FBXL7: variants seen among roughly 807,000 people sequenced by gnomAD.
FBXL7 encodes F-box/LRR-repeat protein 7.
FBXL7 carries 12 observed loss-of-function variants against 38.3 expected under a neutral mutation model. The observed-to-expected ratio is 0.31, with a 90% CI of 0.20 to 0.51. The LOEUF is 0.51. Ranked by LOEUF, FBXL7 falls within the 20% of genes least tolerant of loss-of-function variation. The pLI, the probability that FBXL7 is intolerant of heterozygous loss-of-function variation, is 0.98. For missense variants in FBXL7, 567 were observed against 676.4 expected (o/e 0.84, Z 1.79); for synonymous variants, 297 against 300.9 (o/e 0.99, Z 0.13).
chr5:15,786,372 G>C (rs1346366235), intron 2 of FBXL7, among the ~76,000 whole-genome samples: 1 of 152,098 alleles, frequency 6.6e-6, no homozygotes, highest in Non-Finnish European at 1.5e-5. Context: ...TTCAACCTAG[G>C]TCTACCACTG....
intron 2 of FBXL7, among the ~76,000 whole-genome samples, chr5:15,713,087 T>C (rs1743927577): frequency 6.6e-6 from 1 of 152,170 alleles, no homozygotes; most frequent in African/African-American, 2.4e-5. Context: ...ATGCTGCTTA[T>C]AAAGACACAC....
chr5:15,732,435 A>T (rs1283262072), intron 2 of FBXL7, among the ~76,000 whole-genome samples: 2 of 152,202 alleles, frequency 1.3e-5, no homozygotes, highest in Non-Finnish European at 2.9e-5. Flanking sequence ...TAATTAAAAG[A>T]TGGCTTTCAG....
chr5:15,821,892 A>G (rs144872131), intron 2 of FBXL7, among the ~76,000 whole-genome samples: 1 of 152,060 alleles, frequency 6.6e-6, no homozygotes, highest in African/African-American at 2.4e-5. Flanking sequence ...GCTAATCTCT[A>G]ATTTCTCAGT....
chr5:15,911,455 T>C (rs1481404103), intron 2 of FBXL7, among the ~76,000 whole-genome samples: 11 of 140,474 alleles, frequency 7.8e-5, no homozygotes, highest in Non-Finnish European at 1.6e-4. Context: ...TTCAACTTCT[T>C]TGCCTTTGGT....
intron 2 of FBXL7, among the ~76,000 whole-genome samples, chr5:15,642,494 T>G (rs918975194): frequency 6.6e-6 from 1 of 152,154 alleles, no homozygotes; most frequent in South Asian, 2.1e-4. Context: ...GACCAAGAAT[T>G]TGTCGATATT....
chr5:15,634,326 T>C (rs1741104849), intron 2 of FBXL7, among the ~76,000 whole-genome samples: 1 of 147,386 alleles, frequency 6.8e-6, no homozygotes, highest in Non-Finnish European at 1.5e-5. Context: ...TTTTTTTTTT[T>C]TTTTTTTTTT....
At chr5:15,736,055 T>C (rs1735740204) in intron 2 of FBXL7, among the ~76,000 whole-genome samples, 1 of 152,212 alleles carries the variant, frequency 6.6e-6, no homozygotes, top group Non-Finnish European at 1.5e-5. Flanking sequence ...CACTAGTTGC[T>C]TCAGATGTAA....
chr5:15,605,876 G>C (rs542301382), intron 1 of FBXL7, among the ~76,000 whole-genome samples: 5 of 152,094 alleles, frequency 3.3e-5, no homozygotes, highest in Non-Finnish European at 7.4e-5. Flanking sequence ...TCTTAGACTG[G>C]ACATAAACCC....
intron 2 of FBXL7, among the ~76,000 whole-genome samples, chr5:15,863,606 C>T (rs1739575884): frequency 6.6e-6 from 1 of 152,156 alleles, no homozygotes; most frequent in Non-Finnish European, 1.5e-5. Flanking sequence ...TCATTTGTCA[C>T]CACCAAATCT....
chr5:15,918,283 A>G (rs1741652596), intron 2 of FBXL7, among the ~76,000 whole-genome samples: 1 of 152,114 alleles, frequency 6.6e-6, no homozygotes, highest in Admixed American at 6.6e-5. Context: ...GATTTAAGGA[A>G]AAAGAGGGTA....
At chr5:15,595,079 C>G (rs1739588579) in intron 1 of FBXL7, among the ~76,000 whole-genome samples, 2 of 152,292 alleles carry the variant, frequency 1.3e-5, no homozygotes, top group Middle Eastern at 3.4e-3. Context: ...AGTCTTTTCG[C>G]CAGCTGCAGT....
chr5:15,507,843 G>A (rs2126350693), intron 1 of FBXL7, among the ~76,000 whole-genome samples: 1 of 152,226 alleles, frequency 6.6e-6, no homozygotes, highest in South Asian at 2.1e-4. Context: ...AGGAGTTCGA[G>A]ACCAGCATGG....
intron 2 of FBXL7, among the ~76,000 whole-genome samples, chr5:15,861,716 G>C (rs903941531): frequency 5.3e-5 from 8 of 152,158 alleles, no homozygotes; most frequent in African/African-American, 1.9e-4. Flanking sequence ...CAGCCCTGCT[G>C]GTGTCCTGAA....
chr5:15,540,296 G>A (rs1737706476), intron 1 of FBXL7, among the ~76,000 whole-genome samples: 1 of 152,178 alleles, frequency 6.6e-6, no homozygotes, highest in South Asian at 2.1e-4. Context: ...CTTTTACTCA[G>A]CCACTTCACT....
At chr5:15,840,614 C>T (rs528828425) in intron 2 of FBXL7, among the ~76,000 whole-genome samples, 29 of 152,042 alleles carry the variant, frequency 1.9e-4, no homozygotes, top group Non-Finnish European at 3.8e-4. Context: ...TTTGGGAGGC[C>T]GAGCCAGGTG....
intron 3 of FBXL7, among the ~76,000 whole-genome samples, chr5:15,929,574 T>C (rs1741983742): frequency 6.8e-6 from 1 of 146,898 alleles, no homozygotes; most frequent in African/African-American, 2.5e-5. Flanking sequence ...CAGTGAACTA[T>C]GATCATACCA....
chr5:15,515,358 G>T (rs1736906611), intron 1 of FBXL7, among the ~76,000 whole-genome samples: 3 of 152,226 alleles, frequency 2.0e-5, no homozygotes, highest in Admixed American at 6.5e-5. Flanking sequence ...CAAGCTTACA[G>T]TTCCTGGCTG....
intron 2 of FBXL7, among the ~76,000 whole-genome samples, chr5:15,683,424 C>T (rs931701461): frequency 2.0e-5 from 3 of 151,146 alleles, no homozygotes; most frequent in Admixed American, 1.3e-4. Context: ...CTCTCCGTCA[C>T]CCCCAGGCGG....
intron 2 of FBXL7, among the ~76,000 whole-genome samples, chr5:15,717,454 A>T (rs935402303): frequency 1.5e-4 from 23 of 152,222 alleles, no homozygotes; most frequent in African/African-American, 5.3e-4. Context: ...TCCTGTTTGA[A>T]ATTGTCTGTC....
Sources: allele counts gnomAD v4.1 joint callset (sites outside exome capture counted in the v4.1 genomes callset), GRCh38; gene constraint gnomAD v4.1.1; transcripts MANE v1.5; gene names NCBI Gene and HGNC (gene_info 2026-07-23, HGNC 2026-07-21).